The following CNTLN variants were observed in gnomAD, a reference collection of about 807,000 sequenced individuals.
The protein encoded by CNTLN is centlein, also known as centlein, centrosomal protein.
In CNTLN, 212 loss-of-function variants were observed where a neutral mutation model predicts 180.0. The observed-to-expected ratio is 1.18, with a 90% CI of 1.05 to 1.32. CNTLN has a LOEUF of 1.32. Ranked by LOEUF, CNTLN falls within the 40% of genes most tolerant of loss-of-function variation. The pLI is 0.00. For missense variants in CNTLN, 2,095 were observed against 1,610.9 expected (o/e 1.30, Z -5.14); for synonymous variants, 722 against 563.1 (o/e 1.28, Z -3.99).
chr9:17,436,141 C>T (rs528096484), intron 18 of CNTLN, among the ~76,000 whole-genome samples: 1 of 151,978 alleles, frequency 6.6e-6, no homozygotes, highest in Non-Finnish European at 1.5e-5. Flanking sequence ...CTATAGTGCC[C>T]ACACCATAAT....
At position 17,388,271 on chromosome 9, in the gene CNTLN, ATATTGAGCTG is replaced by A; in HGVS notation, c.2079+19_2079+28del. The A allele has an allele frequency of 6.6e-7, 1 of 1,515,266 alleles. No homozygotes were observed. The highest frequency in any genetic ancestry group is 2.3e-5 in the East Asian group (1 of 44,302). 93.9% of individuals were successfully genotyped at this position (1,515,266 alleles called of 1,614,324 possible). On this transcript the variant is annotated intron_variant, in intron 14 of 25. Coordinates refer to ENST00000380647, the MANE Select transcript of CNTLN (RefSeq NM_017738.4). ...TACAGAAGGTAGTCTAATCTTTAAG[ATATTGAGCTG>A]AGCAAGTTAAATCTGAATTTTAACA...
chr9:17,248,296 A>G (rs116714100), intron 5 of CNTLN, among the ~76,000 whole-genome samples: 2,381 of 152,100 alleles, frequency 0.016, 66 homozygotes, highest in African/African-American at 0.055. Flanking sequence ...TTGTTATAAC[A>G]GTTTTAGAGG....
intron 25 of CNTLN, among the ~76,000 whole-genome samples, chr9:17,498,442 A>G (rs1833572819): frequency 6.6e-6 from 1 of 152,170 alleles, no homozygotes; most frequent in Non-Finnish European, 1.5e-5. Flanking sequence ...ATGTCAGAGA[A>G]GCTAAAAATC....
In CNTLN at chr9:17,269,161, C is replaced by G. The variant is rs144954843; in HGVS notation, c.850-4572C>G. On this transcript the variant is annotated intron_variant, in intron 5 of 25. Transcript: ENST00000380647. ...TGGGAACTGTAGACCGGAGCTGTTC[C>G]TATTCGGCCATGTTGGCTCCATCTG... Among the ~76,000 whole-genome samples, 468 of 152,260 alleles carry G rather than the reference C, an allele frequency of 3.1e-3. 6 individuals are homozygous for G. The highest frequency in any genetic ancestry group is 0.011 in the African/African-American group (449 of 41,562).
At chr9:17,466,645 C>G in intron 22 of CNTLN, 61 bp from the exon 23 acceptor site, 1 of 1,372,238 alleles carries the variant, frequency 7.3e-7, no homozygotes, top group South Asian at 1.4e-5. Flanking sequence ...ACATGTATAA[C>G]TAACTCTTCC....
At chr9:17,489,582 T>C (rs1431184189) in intron 25 of CNTLN, among the ~76,000 whole-genome samples, 1 of 152,056 alleles carries the variant, frequency 6.6e-6, no homozygotes, top group Admixed American at 6.6e-5. Flanking sequence ...TATTTTTTTT[T>C]CTGCTTTTGT....
At chr9:17,162,176 G>A (rs1819726403) in intron 2 of CNTLN, among the ~76,000 whole-genome samples, 1 of 151,682 alleles carries the variant, frequency 6.6e-6, no homozygotes, top group Non-Finnish European at 1.5e-5. Context: ...GTGCAGTGGC[G>A]CGATCTCAGC....
intron 25 of CNTLN, among the ~76,000 whole-genome samples, chr9:17,490,344 T>C (rs775181921): frequency 1.6e-4 from 24 of 151,970 alleles, no homozygotes; most frequent in Non-Finnish European, 2.9e-5. Flanking sequence ...AGTAATGAGA[T>C]TAGATGAAAG....
At chr9:17,244,526 T>A (rs1406627670) in intron 5 of CNTLN, among the ~76,000 whole-genome samples, 1 of 152,176 alleles carries the variant, frequency 6.6e-6, no homozygotes, top group Non-Finnish European at 1.5e-5. Context: ...TCCCCTGAAG[T>A]TTCTTGTAGG....
chr9:17,399,189 A>G (rs1826772023), intron 15 of CNTLN, among the ~76,000 whole-genome samples: 1 of 152,092 alleles, frequency 6.6e-6, no homozygotes, highest in Non-Finnish European at 1.5e-5. Flanking sequence ...TCTTTGAGCT[A>G]CTCACTTCCA....
intron 3 of CNTLN, among the ~76,000 whole-genome samples, chr9:17,227,030 C>T (rs1055224813): frequency 2.6e-5 from 4 of 151,796 alleles, no homozygotes; most frequent in African/African-American, 7.3e-5. Context: ...GGCGATTCAT[C>T]GGTGATCTAG....
intron 6 of CNTLN, among the ~76,000 whole-genome samples, chr9:17,290,871 G>T (rs963579747): frequency 6.6e-6 from 1 of 152,202 alleles, no homozygotes. Flanking sequence ...TTCGGCTCGC[G>T]CATGGTGCGT....
chr9:17,170,327 A>G (rs189704322), intron 2 of CNTLN, among the ~76,000 whole-genome samples: 6 of 152,248 alleles, frequency 3.9e-5, no homozygotes, highest in Non-Finnish European at 2.9e-5. Flanking sequence ...ATTGTGTTGT[A>G]TAAAGACAGT....
intron 23 of CNTLN, among the ~76,000 whole-genome samples, chr9:17,468,728 G>T (rs1831892160): frequency 6.6e-6 from 1 of 151,238 alleles, no homozygotes; most frequent in South Asian, 2.1e-4. Flanking sequence ...TAAGGTAATG[G>T]GTATATTTCT....
intron 2 of CNTLN, among the ~76,000 whole-genome samples, chr9:17,194,413 C>T (rs1563867629): frequency 1.3e-5 from 2 of 152,198 alleles, no homozygotes; most frequent in Admixed American, 1.3e-4. Context: ...GCCAGATACC[C>T]TAAATCATCT....
chr9:17,522,560 C>A, the CNTLN span, among the ~76,000 whole-genome samples: 2 of 152,108 alleles, frequency 1.3e-5, no homozygotes, highest in Admixed American at 1.3e-4. Context: ...TGTGGTTTTA[C>A]GACATTTAGT....
intron 23 of CNTLN, among the ~76,000 whole-genome samples, chr9:17,480,358 C>CA (rs56758433): frequency 0.023 from 3,342 of 147,974 alleles, 70 homozygotes; most frequent in South Asian, 0.1. Flanking sequence ...AAATTAATGG[C>CA]AAAAAAAAAA....
rs775524209 is a variant in CNTLN, at chr9:17,344,405, T to A, written c.1886+1961T>A. ...AATTTAGTAACAGGTAAGGAAAAAA[T>A]TTTTAAAAGAATGCTAAAGAATGGA... On this transcript the variant is annotated intron_variant, in intron 12 of 25. Transcript: ENST00000380647. Among the ~76,000 whole-genome samples, 57 of 152,204 alleles carry A rather than the reference T, an allele frequency of 3.7e-4. 1 individual carries two copies. The highest frequency in any genetic ancestry group is 9.8e-4 in the Admixed American group (15 of 15,286).
At chr9:17,300,449 G>T (rs1340925702) in intron 7 of CNTLN, 1 of 152,096 alleles carries the variant, frequency 6.6e-6, no homozygotes, top group Non-Finnish European at 1.5e-5. Context: ...TACTGAACGT[G>T]TTCAAAACAA....
Sources: allele counts gnomAD v4.1 joint callset (sites outside exome capture counted in the v4.1 genomes callset), GRCh38; gene constraint gnomAD v4.1.1; transcripts MANE v1.5; gene names NCBI Gene and HGNC (gene_info 2026-07-23, HGNC 2026-07-21).